CEACAM8: variants seen among roughly 807,000 people sequenced by gnomAD.
CEACAM8 encodes the protein CEA cell adhesion molecule 8.
In CEACAM8, 31 loss-of-function variants were observed where a neutral mutation model predicts 33.4. The ratio of observed to expected loss-of-function variants is 0.93; its 90% confidence interval spans 0.70 to 1.25. The LOEUF (loss-of-function observed/expected upper bound fraction) is 1.25. CEACAM8 is among the 50% of genes most tolerant of loss of function. CEACAM8 has a pLI of 0.00. For synonymous variants in CEACAM8, 138 were observed against 164.5 expected (o/e 0.84, Z 1.23); for missense variants, 388 against 434.6 (o/e 0.89, Z 0.95).
chr19:42,590,260 G>A (rs1284677715), intron 2 of CEACAM8, among the ~76,000 whole-genome samples: 1 of 152,200 alleles, frequency 6.6e-6, no homozygotes, highest in Non-Finnish European at 1.5e-5. Context: ...AAGCCTGGAG[G>A]TCGGTTCCGT....
At chr19:42,593,084 C>T (rs1382698257) in intron 2 of CEACAM8, among the ~76,000 whole-genome samples, 1 of 152,228 alleles carries the variant, frequency 6.6e-6, no homozygotes, top group African/African-American at 2.4e-5. Flanking sequence ...CAGGAGGCTA[C>T]AACCCAGTGC....
At chr19:42,585,067 G>A (rs2042312329) in intron 4 of CEACAM8, among the ~76,000 whole-genome samples, 1 of 152,168 alleles carries the variant, frequency 6.6e-6, no homozygotes. Flanking sequence ...AGGCAAATTG[G>A]GAGGATTGCT....
intron 4 of CEACAM8, among the ~76,000 whole-genome samples, chr19:42,583,690 A>G (rs1016838669): frequency 6.6e-6 from 1 of 152,184 alleles, no homozygotes; most frequent in African/African-American, 2.4e-5. Context: ...TAGTTGTGGC[A>G]GGTCTCTATG....
rs369269457 is a variant in CEACAM8, at chr19:42,589,691, C to T, written c.469G>A (p.Val157Met). 203 of 1,614,168 alleles carry T rather than the reference C, an allele frequency of 1.3e-4. 1 individual carries two copies. The South Asian group carries it at 1.9e-3, about 15-fold the overall frequency. ...AAGGCCACAGCATCCTTGTCCTCCACGGGGTTGGAGTTGTTGCTGGAGATG... is the reference window on the plus strand; with the variant it reads ...AAGGCCACAGCATCCTTGTCCTCCATGGGGTTGGAGTTGTTGCTGGAGATG... ...PSISSNNSNP[V>M]EDKDAVAFTC... The change falls in exon 3 of 6, where the codon GTG (valine) becomes ATG (methionine). Residue 157 changes from valine to methionine, a missense_variant. Coordinates refer to ENST00000244336, the MANE Select transcript of CEACAM8 (RefSeq NM_001816.4).
In CEACAM8 at chr19:42,580,559, G is replaced by A. The variant is rs2042247258; in HGVS notation, c.*835C>T. 6.6e-6 allele frequency: 1 copy of A among 152,152 alleles called. No individual in the cohort carries two copies. Among genetic ancestry groups the A allele is most frequent in the South Asian group, 2.1e-4 (1 of 4,830 alleles). The allele number at this position is 152,152 out of a possible 1,614,324, so 9.4% of individuals were successfully genotyped here. ...GTTTTAAACTATATCCCATTATAAA[G>A]ACAGCAGATTCTCACTGAACTTGTG... is the stretch of plus-strand genomic sequence containing the variant. On this transcript the variant is annotated 3_prime_UTR_variant, in exon 6 of 6. Transcript: ENST00000244336.
intron 4 of CEACAM8, among the ~76,000 whole-genome samples, chr19:42,585,512 A>C (rs1033887935): frequency 1.3e-5 from 2 of 152,210 alleles, no homozygotes; most frequent in Non-Finnish European, 2.9e-5. Context: ...ATTAGTAGGA[A>C]GATTGAATAA....
chr19:42,584,171 T>TA (rs1568691646), intron 4 of CEACAM8, among the ~76,000 whole-genome samples: 1 of 151,482 alleles, frequency 6.6e-6, no homozygotes, highest in Non-Finnish European at 1.5e-5. Context: ...GCCTTTTTTT[T>TA]ATATGTGTGT....
intron 4 of CEACAM8, among the ~76,000 whole-genome samples, chr19:42,587,776 G>A (rs1449159629): frequency 3.9e-5 from 6 of 152,168 alleles, no homozygotes; most frequent in East Asian, 1.9e-4. Flanking sequence ...AAGCCAAGGC[G>A]GGTGGATCAC....
chr19:42,589,185 A>C, intron 3 of CEACAM8, 147 bp from the exon 4 acceptor site: 1 of 1,068,430 alleles, frequency 9.4e-7, no homozygotes, highest in East Asian at 2.4e-5. Flanking sequence ...CGCTGTTTCT[A>C]CTGAGACAGA....
In CEACAM8 at chr19:42,593,490, T is replaced by TGA. The variant is rs761374032; in HGVS notation, c.424+50_424+51insTC. The TGA allele has an allele frequency of 1.8e-5, 28 of 1,530,876 alleles. No homozygotes were observed. The African/African-American group carries it at 3.5e-4, about 19-fold the overall frequency. 94.8% of individuals were successfully genotyped at this position (1,530,876 alleles called of 1,614,324 possible). ...AGCCCAGGCCTAACAATCCTGTGTG[T>TGA]GGGAAGTAGAACTGACCCCCAACAC... is the stretch of plus-strand genomic sequence containing the variant. On this transcript the variant is annotated intron_variant, in intron 2 of 5. Transcript: ENST00000244336.
Position 42,593,676 on chromosome 19 carries a change from T to C in CEACAM8, c.289A>G (p.Asn97Asp), listed in dbSNP as rs200202664. ...GCATTGGGGTATATTGTCTCTCGATTGCTGTATGCAGGCCCTGGGGTAATC... is the reference window on the plus strand; with the variant it reads ...GCATTGGGGTATATTGTCTCTCGATCGCTGTATGCAGGCCCTGGGGTAATC... The part of the protein sequence containing the change: ...QQITPGPAYS[N>D]RETIYPNASL... Residue 97 changes from asparagine to aspartate, a missense_variant, in exon 2 of 6, where the codon AAT becomes GAT. Asn to Asp is a conservative substitution (Grantham distance 23). Transcript: ENST00000244336. 6.2e-7 allele frequency: 1 copy of C among 1,614,150 alleles called. No homozygotes were observed. The highest frequency in any genetic ancestry group is 2.2e-5 in the East Asian group (1 of 44,882).
chr19:42,583,390 G>A lies in CEACAM8; in HGVS notation c.959-53C>T, dbSNP rs973829210. 3.3e-5 allele frequency: 41 copies of A among 1,243,202 alleles called. 1 individual carries two copies. In the African/African-American group the frequency reaches 5.8e-4, roughly 18 times the overall value. 77.0% of individuals were successfully genotyped at this position (1,243,202 alleles called of 1,614,324 possible). On this transcript the variant is annotated intron_variant, in intron 4 of 5. Transcript: ENST00000244336. ...AATGAAGTTGATGCCATTTTACAGTGGGGTACCCCAGGAACCAGCTCCTAG... is the reference window on the plus strand; with the variant it reads ...AATGAAGTTGATGCCATTTTACAGTAGGGTACCCCAGGAACCAGCTCCTAG...
At chr19:42,582,835 A>G (rs2042279169) in intron 5 of CEACAM8, among the ~76,000 whole-genome samples, 1 of 152,236 alleles carries the variant, frequency 6.6e-6, no homozygotes, top group Non-Finnish European at 1.5e-5. Flanking sequence ...TAGGAAGGTA[A>G]TGAGACAATC....
chr19:42,590,748 G>C (rs1046903267), intron 2 of CEACAM8, among the ~76,000 whole-genome samples: 54 of 152,304 alleles, frequency 3.5e-4, no homozygotes, highest in African/African-American at 1.2e-3. Context: ...GAATCACGTA[G>C]TAGAATGGTG....
At chr19:42,593,301 G>A (rs533844792) in intron 2 of CEACAM8, among the ~76,000 whole-genome samples, 8 of 152,302 alleles carry the variant, frequency 5.3e-5, no homozygotes, top group African/African-American at 1.9e-4. Context: ...ATCTCCTTCT[G>A]CTGAGTCCCC....
At chr19:42,582,901 A>G (rs1311032898) in intron 5 of CEACAM8, among the ~76,000 whole-genome samples, 3 of 152,320 alleles carry the variant, frequency 2.0e-5, no homozygotes, top group African/African-American at 7.2e-5. Flanking sequence ...GACTTCGAGC[A>G]GTTGTTGAGG....
intron 1 of CEACAM8, 89 bp from the exon 2 acceptor site, chr19:42,593,989 TTA>T: frequency 1.4e-6 from 2 of 1,405,498 alleles, no homozygotes; most frequent in Non-Finnish European, 9.7e-7. Flanking sequence ...TTGTGTGTTT[TTA>T]TGTGTGTGTA....
Position 42,593,555 on chromosome 19 carries a change from T to A in CEACAM8, c.410A>T (p.Gln137Leu). 6.4e-7 allele frequency: 1 copy of A among 1,572,286 alleles called. No individual in the cohort carries two copies. The highest frequency in any genetic ancestry group is 1.8e-5 in the Admixed American group (1 of 56,982). ...LNLMSEEVTG[Q>L]FSVHPETPKP... ...GAATCACTCACGATGTACGCTGAAC[T>A]GGCCAGTTACTTCTTCACTCATAAG... The change falls in exon 2 of 6, where the codon CAG becomes CTG. Residue 137 changes from glutamine (Q) to leucine (L), a missense_variant. Coordinates refer to ENST00000244336, the MANE Select transcript of CEACAM8 (RefSeq NM_001816.4).
rs2042246600 is a variant in CEACAM8, at chr19:42,580,459, C to T, written c.*935G>A. 1 of 152,198 alleles carries T rather than the reference C, an allele frequency of 6.6e-6. No individual in the cohort carries two copies. Among genetic ancestry groups the T allele is most frequent in the Admixed American group, 6.5e-5 (1 of 15,280 alleles). The allele number at this position is 152,198 out of a possible 1,614,324, so 9.4% of individuals were successfully genotyped here. On this transcript the variant is annotated 3_prime_UTR_variant, in exon 6 of 6. Coordinates refer to ENST00000244336, the MANE Select transcript of CEACAM8 (RefSeq NM_001816.4). ...TTTGGGGTTGACACGATAGATTAGA[C>T]ACTCCGTTAATCTATCATTCTCTGT...
Sources: allele counts gnomAD v4.1 joint callset (sites outside exome capture counted in the v4.1 genomes callset), GRCh38; gene constraint gnomAD v4.1.1; transcripts MANE v1.5; gene names NCBI Gene and HGNC (gene_info 2026-07-23, HGNC 2026-07-21).